Variants in PTPRZ1 observed in about 807,000 individuals in gnomAD.
The protein encoded by PTPRZ1 is protein tyrosine phosphatase receptor type Z1, also known as receptor-type tyrosine-protein phosphatase zeta.
A neutral mutation model predicts 214.1 loss-of-function variants in PTPRZ1; 82 were observed. The ratio of observed to expected loss-of-function variants is 0.38; its 90% CI spans 0.32 to 0.46. The LOEUF (loss-of-function observed/expected upper bound fraction) is 0.46. Ranked by LOEUF, PTPRZ1 falls within the 20% of genes least tolerant of loss-of-function variation. The pLI is 1.00. For missense variants in PTPRZ1, 2,603 were observed against 2,748.7 expected, an observed-to-expected ratio of 0.95 and a Z score of 1.19; for synonymous variants, 945 against 987.9, an observed-to-expected ratio of 0.96 and a Z score of 0.81.
chr7:121,908,210 A>G (rs1211869293), intron 1 of PTPRZ1, among the ~76,000 whole-genome samples: 2 of 152,216 alleles, frequency 1.3e-5, no homozygotes, highest in East Asian at 3.9e-4. Flanking sequence ...ATGGTTAGTT[A>G]ACTATAACCT....
intron 21 of PTPRZ1, 98 bp from the exon 22 acceptor site, chr7:122,042,510 G>A (rs1799761336): frequency 3.3e-6 from 4 of 1,214,426 alleles, no homozygotes; most frequent in Non-Finnish European, 4.5e-6. Context: ...CTTGAAGAAG[G>A]AAGTTATTTT....
At chr7:122,049,720 A>G (rs1792110618) in intron 23 of PTPRZ1, among the ~76,000 whole-genome samples, 1 of 152,196 alleles carries the variant, frequency 6.6e-6, no homozygotes, top group South Asian at 2.1e-4. Context: ...TACATTGACT[A>G]TAGAAGTCAA....
At chr7:121,957,112 G>T (rs1796731899) in intron 2 of PTPRZ1, among the ~76,000 whole-genome samples, 1 of 152,174 alleles carries the variant, frequency 6.6e-6, no homozygotes, top group Non-Finnish European at 1.5e-5. Flanking sequence ...CTCCATTTCT[G>T]CAGGGTTATT....
intron 2 of PTPRZ1, among the ~76,000 whole-genome samples, chr7:121,944,359 G>A (rs1796313806): frequency 6.6e-6 from 1 of 152,016 alleles, no homozygotes; most frequent in Admixed American, 6.6e-5. Flanking sequence ...ATATTTTTAA[G>A]TTTTTAAAGC....
intron 2 of PTPRZ1, among the ~76,000 whole-genome samples, chr7:121,947,131 T>A (rs1406796097): frequency 2.0e-5 from 3 of 152,138 alleles, no homozygotes; most frequent in Non-Finnish European, 4.4e-5. Context: ...TAGGAAAATA[T>A]TCTTGTCCTT....
intron 1 of PTPRZ1, among the ~76,000 whole-genome samples, chr7:121,893,153 T>C (rs947600315): frequency 3.3e-5 from 5 of 152,252 alleles, no homozygotes; most frequent in African/African-American, 9.6e-5. Context: ...CTTGGTGATC[T>C]GCCTTTTGAA....
intron 1 of PTPRZ1, among the ~76,000 whole-genome samples, chr7:121,927,499 C>T (rs1396957554): frequency 6.6e-6 from 1 of 152,180 alleles, no homozygotes; most frequent in African/African-American, 2.4e-5. Context: ...TCTAGAGACT[C>T]TCTCTGGGTC....
At chr7:121,946,699 T>C (rs930612939) in intron 2 of PTPRZ1, among the ~76,000 whole-genome samples, 3 of 152,196 alleles carry the variant, frequency 2.0e-5, no homozygotes, top group African/African-American at 7.2e-5. Flanking sequence ...AGAATAATAT[T>C]GCAGTGGAAA....
At chr7:121,991,136 G>A (rs1374232327) in intron 8 of PTPRZ1, among the ~76,000 whole-genome samples, 1 of 152,162 alleles carries the variant, frequency 6.6e-6, no homozygotes, top group Non-Finnish European at 1.5e-5. Flanking sequence ...TTCACCTATA[G>A]AATGGAAAAG....
chr7:122,058,813 T>C lies in PTPRZ1; in HGVS notation c.6542T>C (p.Leu2181Pro), dbSNP rs777399303. ...ILEATQDDYV[L>P]EVRHFQCPKW... Reference sequence around the variant, plus strand: ...TTCTTGTTATAGGATGATTATGTACTTGAAGTGAGGCACTTTCAGTGTCCT... The same window carrying C: ...TTCTTGTTATAGGATGATTATGTACCTGAAGTGAGGCACTTTCAGTGTCCT... The change falls in exon 28 of 30, where the codon CTT (leucine) becomes CCT (proline). Residue 2181 changes from leucine to proline, a missense_variant. Physicochemically the swap from Leu to Pro is moderately conservative, Grantham distance 98. This residue lies in a region of PTPRZ1 where 134 missense variants were observed against 183.3 expected (regional missense o/e 0.73). Transcript: ENST00000393386. 3 of 1,606,402 alleles carry C rather than the reference T, an allele frequency of 1.9e-6. No individual in the cohort carries two copies. In the East Asian group the frequency reaches 6.7e-5, roughly 36 times the overall value.
chr7:121,907,829 A>C (rs1795162137), intron 1 of PTPRZ1, among the ~76,000 whole-genome samples: 1 of 152,114 alleles, frequency 6.6e-6, no homozygotes. Context: ...TGTGTAATTT[A>C]ATGAGATTCT....
At position 122,028,602 on chromosome 7, in the gene PTPRZ1, G is replaced by T. The variant is rs1182765942; in HGVS notation, c.5039G>T (p.Arg1680Ile). The change falls in exon 14 of 30, where the codon AGA (arginine) becomes ATA (isoleucine). Residue 1680 changes from arginine to isoleucine, a missense_variant. Arg to Ile is a moderately conservative substitution (Grantham distance 97). Coordinates refer to ENST00000393386, the MANE Select transcript of PTPRZ1 (RefSeq NM_002851.3). ...HFYLEDSTSP[R>I]VISTPPTPIF... is the part of the protein sequence containing the mutation. Reference sequence around the variant, plus strand: ...TACTTAGAGGACAGTACATCCCCTAGAGTTATATCCACACCTCCAACACCT... The same window carrying T: ...TACTTAGAGGACAGTACATCCCCTATAGTTATATCCACACCTCCAACACCT... 6.5e-7 allele frequency: 1 copy of T among 1,549,716 alleles called. No homozygotes were observed. The highest frequency in any genetic ancestry group is 1.4e-5 in the African/African-American group (1 of 73,450).
intron 1 of PTPRZ1, among the ~76,000 whole-genome samples, chr7:121,875,025 C>A (rs1020526013): frequency 6.9e-5 from 10 of 145,078 alleles, no homozygotes; most frequent in Non-Finnish European, 1.0e-4. Context: ...ATGCCCAGAG[C>A]ATGTTGCGGA....
At chr7:121,989,369 A>G (rs1334550986) in intron 8 of PTPRZ1, among the ~76,000 whole-genome samples, 1 of 127,336 alleles carries the variant, frequency 7.9e-6, no homozygotes, top group African/African-American at 2.8e-5. Flanking sequence ...CTGTGTTCCT[A>G]TGAAAGTTTT....
intron 29 of PTPRZ1, 50 bp from the exon 30 acceptor site, chr7:122,061,030 A>G (rs1227147043): frequency 2.7e-6 from 4 of 1,507,206 alleles, no homozygotes; most frequent in African/African-American, 1.4e-5. Context: ...TTACAAATGT[A>G]TGTCTTCACT....
chr7:122,023,505 G>A (rs370799147), intron 13 of PTPRZ1, among the ~76,000 whole-genome samples: 6 of 125,124 alleles, frequency 4.8e-5, no homozygotes, highest in African/African-American at 6.5e-5. Flanking sequence ...TTATATATAT[G>A]TATAATTTTA....
chr7:122,038,897 G>T lies in PTPRZ1; in HGVS notation c.5502+8G>T. The T allele has an allele frequency of 6.2e-7, 1 of 1,613,448 alleles. No individual in the cohort carries two copies. Among genetic ancestry groups the T allele is most frequent in the South Asian group, 1.1e-5 (1 of 91,004 alleles). Reference sequence around the variant, plus strand: ...CTCGTGGAGAAAGGAAGGGTATGTAGATAATCTGTTATGTCACCCCCAAAA... The same window carrying T: ...CTCGTGGAGAAAGGAAGGGTATGTATATAATCTGTTATGTCACCCCCAAAA... On this transcript the variant is annotated splice_region_variant and intron_variant, in intron 19 of 29. Coordinates refer to ENST00000393386, the MANE Select transcript of PTPRZ1 (RefSeq NM_002851.3).
chr7:121,895,141 C>T (rs997525966), intron 1 of PTPRZ1, among the ~76,000 whole-genome samples: 2 of 152,132 alleles, frequency 1.3e-5, no homozygotes, highest in African/African-American at 4.8e-5. Flanking sequence ...ATTTCTTTCT[C>T]TTCTAAAACA....
At chr7:121,875,964 G>A (rs894309985) in intron 1 of PTPRZ1, among the ~76,000 whole-genome samples, 1 of 152,186 alleles carries the variant, frequency 6.6e-6, no homozygotes, top group African/African-American at 2.4e-5. Context: ...ACTAAAACTT[G>A]CTGTACAGGA....
Sources: allele counts gnomAD v4.1 joint callset (sites outside exome capture counted in the v4.1 genomes callset), GRCh38; gene constraint gnomAD v4.1.1; regional missense constraint gnomAD v4.1.1; transcripts MANE v1.5; gene names NCBI Gene and HGNC (gene_info 2026-07-23, HGNC 2026-07-21).